Variants in NAA11 observed in about 807,000 individuals in gnomAD.
NAA11 encodes N-alpha-acetyltransferase 11.
Under a neutral mutation model 16.1 loss-of-function variants are expected in NAA11, and 15 were observed. That is an observed-to-expected ratio of 0.93 (90% CI 0.62 to 1.44). The LOEUF (loss-of-function observed/expected upper bound fraction) is 1.44. NAA11 is among the 40% of genes most tolerant of loss of function. The probability of loss-of-function intolerance (pLI) is 0.00; values close to 1 mark genes in which losing one functional copy is unlikely to be tolerated. For missense variants in NAA11, 298 were observed against 291.3 expected, an observed-to-expected ratio of 1.02 and a Z score of -0.17; for synonymous variants, 122 against 112.4, an observed-to-expected ratio of 1.09 and a Z score of -0.54.
At chr4:79,223,137 T>G (rs1252436537), downstream of NAA11, among the ~76,000 whole-genome samples, 3 of 148,810 alleles carry the variant, frequency 2.0e-5, no homozygotes, top group East Asian at 3.9e-4. Context: ...CAGCCATCCC[T>G]TTACTGGGTA....
At position 79,283,169 on chromosome 4, in the gene NAA11, T is replaced by C. The variant is rs549954294; in HGVS notation, c.*122+10836A>G. 9.3e-4 allele frequency among the ~76,000 whole-genome samples: 141 copies of C among 151,950 alleles called. 1 individual carries two copies. Among genetic ancestry groups the C allele is most frequent in the African/African-American group, 3.2e-3 (132 of 41,432 alleles). ...CTACAGGAATTAGTTGAGGAGAAAA[T>C]AGAAGGTAATGCAATAGAGAAGAGA... is the stretch of plus-strand genomic sequence containing the variant. On this transcript the variant is annotated intron_variant and NMD_transcript_variant, in intron 2 of 2. Transcript: ENST00000511542.
chr4:79,325,560 G>A lies in NAA11; in HGVS notation c.318C>T (p.Tyr106=), dbSNP rs1373950897. 1 of 1,614,088 alleles carries A rather than the reference G, an allele frequency of 6.2e-7. No homozygotes were observed. Among genetic ancestry groups the A allele is most frequent in the Admixed American group, 1.7e-5 (1 of 60,028 alleles). ...RAMIENFNAK[Y]VSLHVRKSNR... ...TACTCTTCCTGACGTGCAGAGACAC[G>A]TATTTGGCGTTAAAGTTCTCTATCA... The change falls in exon 1 of 2, where the codon TAC becomes TAT. Residue 106 remains tyrosine (Y), a synonymous_variant. Transcript: ENST00000286794.
At chr4:79,210,659 A>C in the NAA11 span, among the ~76,000 whole-genome samples, 1 of 152,182 alleles carries the variant, frequency 6.6e-6, no homozygotes, top group African/African-American at 2.4e-5. Flanking sequence ...CTATATGCAC[A>C]GCATATGCTT....
intron 1 of NAA11, among the ~76,000 whole-genome samples, chr4:79,300,291 C>T (rs1723348662): frequency 1.3e-5 from 2 of 152,146 alleles, no homozygotes; most frequent in South Asian, 4.1e-4. Flanking sequence ...TTGCCATATA[C>T]CTTAACATGT....
At chr4:79,199,320 A>C in the NAA11 span, among the ~76,000 whole-genome samples, 3 of 151,952 alleles carry the variant, frequency 2.0e-5, no homozygotes, top group Admixed American at 2.0e-4. Flanking sequence ...GGCAACTTGC[A>C]AATTTTGCAA....
At chr4:79,165,133 A>AT in the NAA11 span, among the ~76,000 whole-genome samples, 1 of 152,208 alleles carries the variant, frequency 6.6e-6, no homozygotes, top group African/African-American at 2.4e-5. Flanking sequence ...AGAAGAGCCC[A>AT]TTTATCAGTT....
At chr4:79,283,543 C>G (rs1722842360) in intron 2 of NAA11, among the ~76,000 whole-genome samples, 1 of 151,910 alleles carries the variant, frequency 6.6e-6, no homozygotes. Flanking sequence ...TTGATTGCTT[C>G]TATTTTAATC....
At chr4:79,208,473 A>T in the NAA11 span, among the ~76,000 whole-genome samples, 824 of 152,236 alleles carry the variant, frequency 5.4e-3, 9 homozygotes, top group African/African-American at 0.018. Flanking sequence ...ACTGAAATAG[A>T]TATACATGCT....
chr4:79,191,415 T>G, the NAA11 span, among the ~76,000 whole-genome samples: 24 of 152,180 alleles, frequency 1.6e-4, no homozygotes, highest in Non-Finnish European at 3.2e-4. Context: ...TTGATTTCCA[T>G]TTTTCTAATG....
At chr4:79,178,787 A>C in the NAA11 span, among the ~76,000 whole-genome samples, 1 of 152,196 alleles carries the variant, frequency 6.6e-6, no homozygotes, top group Non-Finnish European at 1.5e-5. Flanking sequence ...GACTATATAC[A>C]GGAAGATCAT....
chr4:79,298,113 T>C (rs925245245), intron 1 of NAA11, among the ~76,000 whole-genome samples: 2 of 152,178 alleles, frequency 1.3e-5, no homozygotes, highest in African/African-American at 4.8e-5. Context: ...AGAGAGGTTC[T>C]ATCCTCTCTG....
the NAA11 span, among the ~76,000 whole-genome samples, chr4:79,209,483 A>G: frequency 6.6e-6 from 1 of 152,116 alleles, no homozygotes; most frequent in Non-Finnish European, 1.5e-5. Context: ...CAAAAAAGTT[A>G]ATACATCCAC....
intron 1 of NAA11, among the ~76,000 whole-genome samples, chr4:79,300,810 T>C (rs1051996933): frequency 3.3e-5 from 5 of 152,188 alleles, no homozygotes; most frequent in African/African-American, 1.2e-4. Context: ...TTAGAAAGGA[T>C]AAGCTAGAGA....
At chr4:79,297,497 C>A (rs867650135) in intron 1 of NAA11, among the ~76,000 whole-genome samples, 3 of 152,184 alleles carry the variant, frequency 2.0e-5, no homozygotes, top group Admixed American at 2.0e-4. Flanking sequence ...CCCAGGAAGG[C>A]CCCCCTGTCC....
chr4:79,185,056 C>A, the NAA11 span, among the ~76,000 whole-genome samples: 1 of 151,836 alleles, frequency 6.6e-6, no homozygotes, highest in Non-Finnish European at 1.5e-5. Context: ...ATTTTACATG[C>A]CTGAGTTTGT....
chr4:79,290,130 G>C (rs1013973568), intron 2 of NAA11, among the ~76,000 whole-genome samples: 2 of 152,140 alleles, frequency 1.3e-5, no homozygotes, highest in Non-Finnish European at 2.9e-5. Context: ...AGCAGAGAAC[G>C]CTGGGTCTCT....
chr4:79,324,296 C>A (rs961283113), intron 1 of NAA11, among the ~76,000 whole-genome samples: 15 of 152,168 alleles, frequency 9.9e-5, no homozygotes, highest in Admixed American at 2.6e-4. Context: ...CATTTAGCTC[C>A]TCTAATAAAA....
At chr4:79,203,194 A>T in the NAA11 span, among the ~76,000 whole-genome samples, 5 of 151,738 alleles carry the variant, frequency 3.3e-5, no homozygotes, top group Admixed American at 6.6e-5. Context: ...CTTCGAACTT[A>T]AGCTGATTTC....
the NAA11 span, among the ~76,000 whole-genome samples, chr4:79,164,784 T>A: frequency 6.6e-6 from 1 of 152,204 alleles, no homozygotes; most frequent in Non-Finnish European, 1.5e-5. Context: ...ACAGAATGTA[T>A]CTACCTTTAA....
Sources: allele counts gnomAD v4.1 joint callset (sites outside exome capture counted in the v4.1 genomes callset), GRCh38; gene constraint gnomAD v4.1.1; transcripts MANE v1.5; gene names NCBI Gene and HGNC (gene_info 2026-07-23, HGNC 2026-07-21).